Variants in KIF18B observed in about 807,000 individuals in gnomAD.
KIF18B encodes kinesin family member 18B, also known as kinesin-like protein KIF18B.
Under a neutral mutation model 80.9 loss-of-function variants are expected in KIF18B, and 49 were observed. The ratio of observed to expected loss-of-function variants is 0.61; its 90% CI spans 0.48 to 0.77. The LOEUF (loss-of-function observed/expected upper bound fraction) is 0.77, where lower values mean the gene tolerates loss of function less well. KIF18B is among the 30% of genes least tolerant of loss of function. The probability of loss-of-function intolerance (pLI) is 0.00; values close to 1 mark genes in which losing one functional copy is unlikely to be tolerated. For missense variants in KIF18B, 994 were observed against 1,127.7 expected (o/e 0.88, Z 1.70); for synonymous variants, 439 against 463.9 (o/e 0.95, Z 0.69).
intron 10 of KIF18B, 59 bp downstream of exon 10, chr17:44,931,997 C>T: frequency 2.6e-6 from 4 of 1,535,164 alleles, no homozygotes; most frequent in South Asian, 1.3e-5. Context: ...GCAATTTTTC[C>T]AATATCCCAC....
At chr17:44,941,772 C>T (rs2052424449) in intron 1 of KIF18B, among the ~76,000 whole-genome samples, 14 of 152,082 alleles carry the variant, frequency 9.2e-5, no homozygotes, top group Admixed American at 9.2e-4. Flanking sequence ...TCCCTGCTCC[C>T]CATGGGGAGG....
At chr17:44,936,461 C>G in intron 1 of KIF18B, 103 bp from the exon 2 acceptor site, 4 of 942,216 alleles carry the variant, frequency 4.2e-6, no homozygotes, top group Non-Finnish European at 6.2e-6. Context: ...AATGACTGGT[C>G]TCTGTTTTAT....
chr17:44,931,786 T>C, intron 10 of KIF18B, 57 bp from the exon 11 acceptor site: 1 of 1,586,588 alleles, frequency 6.3e-7, no homozygotes. Context: ...CTCATCTTTA[T>C]AAACAGCTTC....
chr17:44,943,947 G>A (rs1338347564), intron 1 of KIF18B, among the ~76,000 whole-genome samples: 1 of 152,144 alleles, frequency 6.6e-6, no homozygotes, highest in Admixed American at 6.5e-5. Context: ...CAACTCCTGG[G>A]CTCAAGTGAT....
chr17:44,944,958 C>T (rs958689461), intron 1 of KIF18B, among the ~76,000 whole-genome samples: 3 of 152,158 alleles, frequency 2.0e-5, no homozygotes, highest in Non-Finnish European at 4.4e-5. Flanking sequence ...ATTTCTCCAT[C>T]AATATTGCCA....
chr17:44,939,293 C>T (rs1056776174), intron 1 of KIF18B, among the ~76,000 whole-genome samples: 1 of 129,034 alleles, frequency 7.7e-6, no homozygotes, highest in Non-Finnish European at 1.6e-5. Flanking sequence ...ACCGCTTGAA[C>T]TTGGGAGGCG....
chr17:44,945,483 G>A (rs541508296), intron 1 of KIF18B, among the ~76,000 whole-genome samples: 4 of 152,156 alleles, frequency 2.6e-5, no homozygotes, highest in Non-Finnish European at 5.9e-5. Flanking sequence ...AAGACTATAA[G>A]TTGCCCTCTA....
intron 7 of KIF18B, among the ~76,000 whole-genome samples, chr17:44,933,654 A>G (rs1206121833): frequency 6.6e-6 from 1 of 152,008 alleles, no homozygotes; most frequent in Non-Finnish European, 1.5e-5. Context: ...CACCATGCCC[A>G]GCAGATTTTT....
At position 44,932,785 on chromosome 17, in the gene KIF18B, G is replaced by T; in HGVS notation, c.1138-12C>A. The T allele has an allele frequency of 6.2e-7, 1 of 1,610,102 alleles. No homozygotes were observed. On this transcript the variant is annotated splice_polypyrimidine_tract_variant and intron_variant, in intron 8 of 15. Transcript: ENST00000593135. The stretch of plus-strand genomic sequence containing the variant: ...CTCAGAGCGGCTACCTGGAACAGAA[G>T]CAGCCCAGCCCCTGAGAGCCCCAGC...
At chr17:44,940,471 T>C (rs1057510366) in intron 1 of KIF18B, among the ~76,000 whole-genome samples, 2 of 152,220 alleles carry the variant, frequency 1.3e-5, no homozygotes, top group African/African-American at 4.8e-5. Context: ...TATTTACTCA[T>C]TCACTCTTAT....
intron 1 of KIF18B, among the ~76,000 whole-genome samples, chr17:44,945,192 C>A (rs1022738188): frequency 6.6e-6 from 1 of 152,202 alleles, no homozygotes; most frequent in Non-Finnish European, 1.5e-5. Flanking sequence ...TCCTGAGTAG[C>A]TGGGAATCAC....
At chr17:44,932,530 G>C (rs541945877) in intron 9 of KIF18B, 143 bp downstream of exon 9, 20 of 640,154 alleles carry the variant, frequency 3.1e-5, no homozygotes, top group African/African-American at 5.4e-5. Flanking sequence ...CAGTTGCTGG[G>C]CAGGCACTGG....
chr17:44,936,458 G>A, intron 1 of KIF18B, 100 bp from the exon 2 acceptor site: 1 of 971,222 alleles, frequency 1.0e-6, no homozygotes, highest in Non-Finnish European at 1.5e-6. Context: ...CCCAATGACT[G>A]GTCTCTGTTT....
chr17:44,941,443 A>G (rs1018469088), intron 1 of KIF18B, among the ~76,000 whole-genome samples: 21 of 151,880 alleles, frequency 1.4e-4, no homozygotes, highest in African/African-American at 4.8e-4. Flanking sequence ...GGTTCAAGGA[A>G]TTCTTCTGCC....
At chr17:44,931,775 C>A (rs1469324682) in intron 10 of KIF18B, 46 bp from the exon 11 acceptor site, 1 of 1,598,976 alleles carries the variant, frequency 6.3e-7, no homozygotes. Context: ...AGGATGGCCT[C>A]CTCATCTTTA....
Position 44,928,921 on chromosome 17 carries a change from G to GTAGGGTGCT in KIF18B, c.1620_1621insAGCACCCTA (p.Gln540_Gln541insSerThrLeu). The GTAGGGTGCT allele has an allele frequency of 6.2e-7, 1 of 1,613,990 alleles. No individual in the cohort carries two copies. The highest frequency in any genetic ancestry group is 8.5e-7 in the Non-Finnish European group (1 of 1,179,864). ...TCAATTTTTTCCTCTTGCACCAGCT[G>GTAGGGTGCT]CTGTAGGGTCTCAAACTCTGTGATC... On this transcript the variant is annotated inframe_insertion, in exon 12 of 16. Transcript: ENST00000593135.
At chr17:44,945,956 A>G (rs1250944043) in intron 1 of KIF18B, among the ~76,000 whole-genome samples, 2 of 150,792 alleles carry the variant, frequency 1.3e-5, no homozygotes, top group Non-Finnish European at 2.9e-5. Context: ...ACAGTGGCTC[A>G]TGCCTGTAAT....
chr17:44,932,925 T>C lies in KIF18B; in HGVS notation c.1124A>G (p.Gln375Arg). The C allele has an allele frequency of 6.2e-7, 1 of 1,606,128 alleles. No individual in the cohort carries two copies. Among genetic ancestry groups the C allele is most frequent in the Non-Finnish European group, 8.5e-7 (1 of 1,173,524 alleles). Reference protein sequence around the residue: ...HISQYATICQQLQAEVAALRK... With the variant: ...HISQYATICQRLQAEVAALRK... Reference sequence around the variant, plus strand: ...CGGGCTCCTCACCTCAGCCTGGAGCTGTTGGCAGATGGTAGCATACTGGCT... The same window carrying C: ...CGGGCTCCTCACCTCAGCCTGGAGCCGTTGGCAGATGGTAGCATACTGGCT... Residue 375 changes from glutamine (Q) to arginine (R), a missense_variant, in exon 8 of 16, where the codon CAG becomes CGG. Gln to Arg is a conservative substitution (Grantham distance 43). Coordinates refer to ENST00000593135, the MANE Select transcript of KIF18B (RefSeq NM_001265577.2).
chr17:44,943,263 C>T (rs2052452391), intron 1 of KIF18B, among the ~76,000 whole-genome samples: 1 of 152,108 alleles, frequency 6.6e-6, no homozygotes, highest in Admixed American at 6.5e-5. Flanking sequence ...CCACGCCCGA[C>T]TAATTTTTTG....
Sources: allele counts gnomAD v4.1 joint callset (sites outside exome capture counted in the v4.1 genomes callset), GRCh38; gene constraint gnomAD v4.1.1; transcripts MANE v1.5; gene names NCBI Gene and HGNC (gene_info 2026-07-23, HGNC 2026-07-21).